Variants in LPP observed in about 807,000 individuals in gnomAD.
The protein encoded by LPP is lipoma-preferred partner.
LPP carries 38 observed loss-of-function variants against 60.4 expected under a neutral mutation model. That is an observed-to-expected ratio of 0.63 (90% CI 0.49 to 0.83). The LOEUF (loss-of-function observed/expected upper bound fraction) is 0.83, where lower values mean the gene tolerates loss of function less well. Ranked by LOEUF, LPP falls within the 40% of genes least tolerant of loss-of-function variation. The probability of loss-of-function intolerance (pLI) is 0.00; values close to 1 mark genes in which losing one functional copy is unlikely to be tolerated. For synonymous variants in LPP, 328 were observed against 290.8 expected (o/e 1.13, Z -1.30); for missense variants, 902 against 783.6 (o/e 1.15, Z -1.80).
intron 9 of LPP, among the ~76,000 whole-genome samples, chr3:188,781,793 G>T (rs181283788): frequency 1.3e-5 from 2 of 151,474 alleles, no homozygotes; most frequent in Admixed American, 1.3e-4. Flanking sequence ...TCAGGAGGCT[G>T]AGGCAGGAGA....
intron 4 of LPP, among the ~76,000 whole-genome samples, chr3:188,430,284 C>G (rs1279094917): frequency 6.6e-6 from 1 of 152,066 alleles, no homozygotes; most frequent in African/African-American, 2.4e-5. Flanking sequence ...AGAAAATTAT[C>G]AGAATTTCCT....
At chr3:188,583,347 G>A (rs62291680) in intron 6 of LPP, among the ~76,000 whole-genome samples, 21,166 of 151,970 alleles carry the variant, frequency 0.14, 1,754 homozygotes, top group East Asian at 0.36. Flanking sequence ...GAGACATTGA[G>A]CCACCACTGG....
At chr3:188,546,123 T>G (rs1475423834) in intron 6 of LPP, among the ~76,000 whole-genome samples, 1 of 152,150 alleles carries the variant, frequency 6.6e-6, no homozygotes, top group Non-Finnish European at 1.5e-5. Context: ...GACGTGGTCC[T>G]TCTCATTTTC....
At chr3:188,200,787 T>G (rs1730873734) in intron 1 of LPP, among the ~76,000 whole-genome samples, 2 of 152,208 alleles carry the variant, frequency 1.3e-5, no homozygotes, top group Non-Finnish European at 2.9e-5. Context: ...GGAAATAGTC[T>G]GATTGAGCCA....
rs190234692 is a variant in LPP, at chr3:188,164,372, A to T, written c.-190+10120A>T. 1.7e-3 allele frequency among the ~76,000 whole-genome samples: 254 copies of T among 152,300 alleles called. 1 individual carries two copies. The highest frequency in any genetic ancestry group is 5.8e-3 in the African/African-American group (240 of 41,544). ...TGTAACCGTGGAAGCCTAATGCTCT[A>T]CTAAACTCTGTGCCAAGAGGTCACA... On this transcript the variant is annotated intron_variant, in intron 1 of 11. Transcript: ENST00000617246.
intron 7 of LPP, among the ~76,000 whole-genome samples, chr3:188,701,944 C>CTTTTTTTTTTTTTTTTTTTT (rs35803152): frequency 2.4e-5 from 2 of 83,550 alleles, no homozygotes; most frequent in Non-Finnish European, 2.1e-5. Flanking sequence ...GTTTTTTTCC[C>CTTTTTTTTTTTTTTTTTTTT]TTTTTTTTTT....
At chr3:188,330,480 T>C (rs1759714818) in intron 2 of LPP, among the ~76,000 whole-genome samples, 1 of 152,190 alleles carries the variant, frequency 6.6e-6, no homozygotes, top group South Asian at 2.1e-4. Flanking sequence ...TCAAACTTTG[T>C]TTATTAGCTT....
intron 2 of LPP, among the ~76,000 whole-genome samples, chr3:188,271,199 T>C (rs1296487016): frequency 1.3e-5 from 2 of 152,254 alleles, no homozygotes; most frequent in Non-Finnish European, 2.9e-5. Flanking sequence ...AATTGACAGA[T>C]TATTTCTTGC....
Position 188,836,168 on chromosome 3 carries a change from A to G in LPP, c.1411-30032A>G, listed in dbSNP as rs551636285. On this transcript the variant is annotated intron_variant, in intron 9 of 11. Transcript: ENST00000617246. Reference sequence around the variant, plus strand: ...AGAAGAAGACAGTAATGAAAAATGTATCGACTGCCAGCCCACTGTTTTTAT... The same window carrying G: ...AGAAGAAGACAGTAATGAAAAATGTGTCGACTGCCAGCCCACTGTTTTTAT... 4.6e-5 allele frequency among the ~76,000 whole-genome samples: 7 copies of G among 152,368 alleles called. No individual in the cohort carries two copies. The East Asian group carries it at 1.3e-3, about 29-fold the overall frequency.
At chr3:188,408,705 A>G (rs1287627391) in intron 4 of LPP, among the ~76,000 whole-genome samples, 6 of 151,434 alleles carry the variant, frequency 4.0e-5, no homozygotes, top group African/African-American at 1.5e-4. Flanking sequence ...GCCAGGCTCT[A>G]TGCTTTCTCT....
intron 2 of LPP, among the ~76,000 whole-genome samples, chr3:188,287,602 C>A (rs183487969): frequency 6.6e-6 from 1 of 151,872 alleles, no homozygotes; most frequent in Non-Finnish European, 1.5e-5. Context: ...GGGGGACTGG[C>A]GGAGGTGGGG....
intron 7 of LPP, among the ~76,000 whole-genome samples, chr3:188,680,463 A>C (rs976469991): frequency 6.6e-6 from 1 of 152,196 alleles, no homozygotes; most frequent in Non-Finnish European, 1.5e-5. Context: ...TCATAATAAG[A>C]AGGGTATTTG....
At chr3:188,364,198 T>C (rs1041926272) in intron 3 of LPP, among the ~76,000 whole-genome samples, 4 of 152,252 alleles carry the variant, frequency 2.6e-5, no homozygotes, top group African/African-American at 9.6e-5. Context: ...GCTCAGTTAA[T>C]GTTAGCTATC....
At chr3:188,608,414 C>A (rs925414304) in intron 6 of LPP, among the ~76,000 whole-genome samples, 1 of 152,116 alleles carries the variant, frequency 6.6e-6, no homozygotes, top group Non-Finnish European at 1.5e-5. Flanking sequence ...TCCCTAACAT[C>A]ATCTATTGAA....
At chr3:188,777,367 A>G (rs1437036006) in intron 9 of LPP, among the ~76,000 whole-genome samples, 1 of 152,070 alleles carries the variant, frequency 6.6e-6, no homozygotes, top group Non-Finnish European at 1.5e-5. Flanking sequence ...CATCCAATCA[A>G]TATTTACTGA....
chr3:188,720,105 G>A (rs1715728581), intron 8 of LPP, among the ~76,000 whole-genome samples: 3 of 152,132 alleles, frequency 2.0e-5, no homozygotes, highest in African/African-American at 4.8e-5. Flanking sequence ...TAGCTATGGG[G>A]TTTTACCATA....
At chr3:188,550,374 C>A (rs1007468267) in intron 6 of LPP, among the ~76,000 whole-genome samples, 1 of 151,808 alleles carries the variant, frequency 6.6e-6, no homozygotes, top group Non-Finnish European at 1.5e-5. Context: ...GTCAGGAGAT[C>A]GAGACCATCC....
In LPP at chr3:188,747,282, GTTC is replaced by G. The variant is rs1726553598; in HGVS notation, c.1241-12828_1241-12826del. Among the ~76,000 whole-genome samples the G allele has an allele frequency of 3.9e-5, 6 of 152,266 alleles. No individual in the cohort carries two copies. In the South Asian group the frequency reaches 1.2e-3, roughly 32 times the overall value. ...AGGTAGAAATATGATTTCTTGCTGT[GTTC>G]TTATTATAAAGCATTGCCATGCAAC... On this transcript the variant is annotated intron_variant, in intron 8 of 11. Transcript: ENST00000617246.
intron 2 of LPP, among the ~76,000 whole-genome samples, chr3:188,272,193 G>A (rs1220724500): frequency 3.9e-5 from 6 of 152,144 alleles, no homozygotes; most frequent in African/African-American, 7.2e-5. Flanking sequence ...TCATTTCTCC[G>A]TCTGGCAAGT....
Sources: allele counts gnomAD v4.1 joint callset (sites outside exome capture counted in the v4.1 genomes callset), GRCh38; gene constraint gnomAD v4.1.1; transcripts MANE v1.5; gene names NCBI Gene and HGNC (gene_info 2026-07-23, HGNC 2026-07-21).